ITGA9: variants seen among roughly 807,000 people sequenced by gnomAD.
ITGA9 encodes integrin alpha-9.
ITGA9 carries 56 observed loss-of-function variants against 127.8 expected under a neutral mutation model. The observed-to-expected ratio is 0.44, with a 90% CI of 0.35 to 0.55. ITGA9 has a LOEUF of 0.55. Ranked by LOEUF, ITGA9 falls within the 20% of genes least tolerant of loss-of-function variation. The pLI is 0.00. For synonymous variants in ITGA9, 508 were observed against 514.5 expected (o/e 0.99, Z 0.17); for missense variants, 1,196 against 1,347.1 (o/e 0.89, Z 1.76).
chr3:37,607,959 A>C (rs1426850590), intron 15 of ITGA9, among the ~76,000 whole-genome samples: 3 of 152,210 alleles, frequency 2.0e-5, no homozygotes, highest in Non-Finnish European at 4.4e-5. Flanking sequence ...CCATTCTTCA[A>C]AGCTACTTTC....
intron 15 of ITGA9, among the ~76,000 whole-genome samples, chr3:37,559,586 A>C (rs1425763634): frequency 6.6e-6 from 1 of 152,240 alleles, no homozygotes; most frequent in Non-Finnish European, 1.5e-5. Flanking sequence ...TTAATAACAA[A>C]GAGCTGCCAG....
At chr3:37,593,144 A>G (rs1219444223) in intron 15 of ITGA9, among the ~76,000 whole-genome samples, 1 of 152,216 alleles carries the variant, frequency 6.6e-6, no homozygotes, top group Non-Finnish European at 1.5e-5. Flanking sequence ...GGATACCAAA[A>G]TTCATAGATG....
chr3:37,577,907 A>G (rs966810048), intron 15 of ITGA9, among the ~76,000 whole-genome samples: 1 of 152,228 alleles, frequency 6.6e-6, no homozygotes, highest in Non-Finnish European at 1.5e-5. Context: ...GGAGGGCTTC[A>G]GTATTATCTC....
At position 37,819,837 on chromosome 3, in the gene ITGA9, G is replaced by A. The variant is rs1451605960; in HGVS notation, c.*848G>A. On this transcript the variant is annotated 3_prime_UTR_variant, in exon 28 of 28. Transcript: ENST00000264741. Reference sequence around the variant, plus strand: ...GTCATCTGGTAAACCTCAGAATGGCGTCTCATCCTGGACATCCTGCATCAG... The same window carrying A: ...GTCATCTGGTAAACCTCAGAATGGCATCTCATCCTGGACATCCTGCATCAG... The A allele has an allele frequency of 6.6e-6, 1 of 152,186 alleles. No individual in the cohort carries two copies. The highest frequency in any genetic ancestry group is 1.5e-5 in the Non-Finnish European group (1 of 68,056). The allele number at this position is 152,186 out of a possible 1,614,324, so 9.4% of individuals were successfully genotyped here. A position where few individuals can be genotyped will look rare whatever the true frequency, so the allele number is the denominator to read the frequency against.
At chr3:37,481,668 C>T in intron 4 of ITGA9, 61 bp downstream of exon 4, 1 of 1,597,820 alleles carries the variant, frequency 6.3e-7, no homozygotes, top group Non-Finnish European at 8.6e-7. Flanking sequence ...GCCCGCCTTC[C>T]CACCTCTATG....
intron 15 of ITGA9, among the ~76,000 whole-genome samples, chr3:37,610,259 T>C (rs1488475073): frequency 6.6e-6 from 1 of 152,216 alleles, no homozygotes; most frequent in African/African-American, 2.4e-5. Context: ...AATATTGTAT[T>C]TACCCCAGAG....
At chr3:37,542,380 G>T (rs780268756) in intron 14 of ITGA9, 45 bp from the exon 15 acceptor site, 1 of 1,608,360 alleles carries the variant, frequency 6.2e-7, no homozygotes, top group Non-Finnish European at 8.5e-7. Context: ...CCTCATCACA[G>T]TGTGTCGGTC....
chr3:37,486,881 C>CT (rs1244060342), intron 4 of ITGA9, among the ~76,000 whole-genome samples: 1 of 152,118 alleles, frequency 6.6e-6, no homozygotes, highest in Non-Finnish European at 1.5e-5. Context: ...CTGTACCACT[C>CT]TATTATCAGG....
chr3:37,695,126 C>A (rs570405527), intron 18 of ITGA9, among the ~76,000 whole-genome samples: 1 of 152,214 alleles, frequency 6.6e-6, no homozygotes, highest in East Asian at 1.9e-4. Context: ...GTTTTGTTCT[C>A]CCGTAAACAC....
intron 19 of ITGA9, among the ~76,000 whole-genome samples, chr3:37,733,988 C>T (rs889575320): frequency 6.6e-6 from 1 of 152,198 alleles, no homozygotes; most frequent in African/African-American, 2.4e-5. Context: ...AAATGGTGTT[C>T]ACCATATACA....
At chr3:37,543,274 A>G (rs1480239425) in intron 15 of ITGA9, among the ~76,000 whole-genome samples, 1 of 152,138 alleles carries the variant, frequency 6.6e-6, no homozygotes, top group African/African-American at 2.4e-5. Context: ...ACACTGACCC[A>G]TGGGCAGGGT....
At chr3:37,482,956 G>A (rs919876558) in intron 4 of ITGA9, among the ~76,000 whole-genome samples, 7 of 152,178 alleles carry the variant, frequency 4.6e-5, no homozygotes, top group Non-Finnish European at 8.8e-5. Flanking sequence ...TGGAGGGATC[G>A]TTGGTTTCAG....
At position 37,711,456 on chromosome 3, in the gene ITGA9, A is replaced by T. The variant is rs536126440; in HGVS notation, c.2068-21256A>T. Among the ~76,000 whole-genome samples the T allele has an allele frequency of 8.5e-5, 13 of 152,298 alleles. No individual in the cohort carries two copies. The South Asian group carries it at 2.7e-3, about 32-fold the overall frequency. On this transcript the variant is annotated intron_variant, in intron 18 of 27. Coordinates refer to ENST00000264741, the MANE Select transcript of ITGA9 (RefSeq NM_002207.3). ...GAGCCACTAAGTCTGGCCTACATTC[A>T]AGGGGAGGAGAATCATAGCTCACTG...
intron 13 of ITGA9, among the ~76,000 whole-genome samples, chr3:37,533,103 C>T (rs541734963): frequency 1.1e-4 from 16 of 152,232 alleles, no homozygotes; most frequent in South Asian, 2.1e-4. Context: ...ATTATTGGGA[C>T]GCTAACTATT....
chr3:37,454,163 C>A (rs1016811243), intron 1 of ITGA9, among the ~76,000 whole-genome samples: 1 of 152,166 alleles, frequency 6.6e-6, no homozygotes, highest in Non-Finnish European at 1.5e-5. Context: ...CCAAGCCAGC[C>A]GGAGCATTGT....
chr3:37,674,620 A>G (rs1192541254), intron 17 of ITGA9, among the ~76,000 whole-genome samples: 3 of 152,182 alleles, frequency 2.0e-5, no homozygotes, highest in Non-Finnish European at 4.4e-5. Flanking sequence ...GGCAGGGGCA[A>G]TGTTCAAAAT....
At chr3:37,522,167 G>A (rs578030376) in intron 11 of ITGA9, among the ~76,000 whole-genome samples, 1 of 152,040 alleles carries the variant, frequency 6.6e-6, no homozygotes, top group Non-Finnish European at 1.5e-5. Context: ...TGGTTCTATT[G>A]TACTTTGAAA....
chr3:37,634,707 A>G (rs1324100400), intron 16 of ITGA9, among the ~76,000 whole-genome samples: 2 of 152,208 alleles, frequency 1.3e-5, no homozygotes, highest in Non-Finnish European at 2.9e-5. Flanking sequence ...ACAGAAAATC[A>G]ATAAGGAAAC....
intron 15 of ITGA9, among the ~76,000 whole-genome samples, chr3:37,603,602 CT>C (rs536488302): frequency 6.6e-6 from 1 of 152,156 alleles, no homozygotes; most frequent in South Asian, 2.1e-4. Flanking sequence ...TGCTATTAAG[CT>C]TTAAATGGAG....
Sources: allele counts gnomAD v4.1 joint callset (sites outside exome capture counted in the v4.1 genomes callset), GRCh38; gene constraint gnomAD v4.1.1; transcripts MANE v1.5; gene names NCBI Gene and HGNC (gene_info 2026-07-23, HGNC 2026-07-21).